Variants in GABRR2 observed in about 807,000 individuals in gnomAD.
GABRR2 encodes gamma-aminobutyric acid type A receptor subunit rho2, also known as gamma-aminobutyric acid receptor subunit rho-2.
In GABRR2, 36 loss-of-function variants were observed where a neutral mutation model predicts 47.0. The observed-to-expected ratio is 0.77, with a 90% CI of 0.59 to 1.01. The LOEUF (loss-of-function observed/expected upper bound fraction) is 1.01, where lower values mean the gene tolerates loss of function less well. Ranked by LOEUF, GABRR2 falls within the 50% of genes least tolerant of loss-of-function variation. The pLI is 0.00. For missense variants in GABRR2, 587 were observed against 594.6 expected (o/e 0.99, Z 0.13); for synonymous variants, 204 against 227.5 (o/e 0.90, Z 0.93).
intron 1 of GABRR2, among the ~76,000 whole-genome samples, chr6:89,313,773 C>T (rs1767715466): frequency 6.6e-6 from 1 of 152,010 alleles, no homozygotes; most frequent in Admixed American, 6.6e-5. Flanking sequence ...AAAAATTAGC[C>T]AGGCATGCTG....
intron 2 of GABRR2, among the ~76,000 whole-genome samples, chr6:89,290,385 C>T (rs1774415671): frequency 6.6e-6 from 1 of 152,250 alleles, no homozygotes; most frequent in Non-Finnish European, 1.5e-5. Flanking sequence ...CCCCTTGAAA[C>T]AGCCACCCTC....
At chr6:89,284,318 G>A (rs1774299198) in intron 2 of GABRR2, among the ~76,000 whole-genome samples, 1 of 152,154 alleles carries the variant, frequency 6.6e-6, no homozygotes, top group African/African-American at 2.4e-5. Context: ...ACATATATAT[G>A]TCGGTAGTAG....
intron 3 of GABRR2, 88 bp downstream of exon 3, chr6:89,271,567 C>T: frequency 8.4e-7 from 1 of 1,191,578 alleles, no homozygotes; most frequent in Non-Finnish European, 1.2e-6. Flanking sequence ...CCTCCAGCTC[C>T]CGCTCTGCCC....
intron 1 of GABRR2, among the ~76,000 whole-genome samples, chr6:89,303,993 A>G (rs376442915): frequency 2.0e-5 from 3 of 152,234 alleles, no homozygotes; most frequent in Non-Finnish European, 4.4e-5. Flanking sequence ...ACTCAAAACT[A>G]TAAAAACCCT....
intron 1 of GABRR2, among the ~76,000 whole-genome samples, chr6:89,304,011 AC>A (rs1435365280): frequency 6.6e-6 from 1 of 152,184 alleles, no homozygotes; most frequent in African/African-American, 2.4e-5. Context: ...CCTGGAAGAC[AC>A]CCTAGGCAAT....
intron 2 of GABRR2, among the ~76,000 whole-genome samples, chr6:89,290,547 G>A (rs1774418579): frequency 2.0e-5 from 3 of 152,210 alleles, no homozygotes; most frequent in Non-Finnish European, 4.4e-5. Flanking sequence ...GGCCGGGAAG[G>A]GCAGGAGAAG....
intron 8 of GABRR2, among the ~76,000 whole-genome samples, chr6:89,259,871 A>ATC (rs1347788971): frequency 4.6e-5 from 4 of 86,230 alleles, no homozygotes; most frequent in South Asian, 6.1e-4. Context: ...GTAAGAGGTC[A>ATC]TCTCTCTCTC....
At chr6:89,302,922 C>A in intron 1 of GABRR2, 1 of 1,170,494 alleles carries the variant, frequency 8.5e-7, no homozygotes, top group Non-Finnish European at 1.2e-6. Context: ...AGTTCACGGA[C>A]ATGTTCCAGC....
chr6:89,301,803 T>G (rs1464042070), intron 1 of GABRR2: 5 of 874,942 alleles, frequency 5.7e-6, no homozygotes, highest in African/African-American at 1.7e-5. Flanking sequence ...TCCTGCACAT[T>G]CAGGCCGGCC....
chr6:89,304,787 T>C (rs1275170541), intron 1 of GABRR2, among the ~76,000 whole-genome samples: 1 of 152,014 alleles, frequency 6.6e-6, no homozygotes, highest in Non-Finnish European at 1.5e-5. Context: ...AGTCAAAAAA[T>C]AACAGATTCT....
At chr6:89,286,423 A>C (rs183852373) in intron 2 of GABRR2, among the ~76,000 whole-genome samples, 1 of 152,362 alleles carries the variant, frequency 6.6e-6, no homozygotes, top group African/African-American at 2.4e-5. Flanking sequence ...TTCTCATCAC[A>C]AAAGAAAATG....
At chr6:89,287,095 G>A (rs1023792610) in intron 2 of GABRR2, among the ~76,000 whole-genome samples, 7 of 152,324 alleles carry the variant, frequency 4.6e-5, no homozygotes, top group East Asian at 1.9e-4. Context: ...GCTCTGAGTC[G>A]GCTCCGTGAG....
intron 3 of GABRR2, 41 bp downstream of exon 3, chr6:89,271,614 C>T: frequency 3.2e-6 from 5 of 1,569,080 alleles, no homozygotes; most frequent in Non-Finnish European, 4.4e-6. Context: ...GCCCACTACA[C>T]TACAGGCTCT....
chr6:89,261,917 AG>A (rs1773754871), intron 8 of GABRR2, among the ~76,000 whole-genome samples: 4 of 151,948 alleles, frequency 2.6e-5, no homozygotes, highest in Admixed American at 2.0e-4. Context: ...CGCATGCTTA[AG>A]GTCCCAGCTA....
intron 2 of GABRR2, among the ~76,000 whole-genome samples, chr6:89,273,961 G>A (rs1774110720): frequency 6.6e-6 from 1 of 152,214 alleles, no homozygotes; most frequent in Non-Finnish European, 1.5e-5. Context: ...TACAGCGATG[G>A]CCCTCTTGGA....
At chr6:89,293,910 T>C (rs979823502) in intron 2 of GABRR2, among the ~76,000 whole-genome samples, 1 of 152,314 alleles carries the variant, frequency 6.6e-6, no homozygotes, top group African/African-American at 2.4e-5. Context: ...GCTGGTTGCT[T>C]AGACAAGGTA....
chr6:89,280,247 T>TATATATATATATACAC (rs1271132149), intron 2 of GABRR2, among the ~76,000 whole-genome samples: 4 of 101,326 alleles, frequency 3.9e-5, no homozygotes, highest in Admixed American at 1.1e-4. Flanking sequence ...TATATATATA[T>TATATATATATATACAC]ATATATACAT....
chr6:89,306,874 A>T (rs1767568587), intron 1 of GABRR2, among the ~76,000 whole-genome samples: 1 of 152,156 alleles, frequency 6.6e-6, no homozygotes, highest in African/African-American at 2.4e-5. Flanking sequence ...AAGAGAAGGA[A>T]CCTTCACACA....
intron 1 of GABRR2, chr6:89,301,825 T>C: frequency 1.0e-6 from 1 of 1,004,004 alleles, no homozygotes. Flanking sequence ...GTGCGGCAAC[T>C]AGATCGGGGC....
Sources: gnomAD v4.1 joint callset for allele counts (sites outside exome capture counted in the v4.1 genomes callset) on GRCh38, gnomAD v4.1.1 for gene constraint, MANE v1.5 for transcripts, NCBI Gene and HGNC (gene_info 2026-07-23, HGNC 2026-07-21) for gene names.